EXOC6B: variants seen among roughly 807,000 people sequenced by gnomAD.
The protein encoded by EXOC6B is SEC15 homolog B.
Under a neutral mutation model 113.5 loss-of-function variants are expected in EXOC6B, and 54 were observed. The observed-to-expected ratio is 0.48, with a 90% CI of 0.38 to 0.60. The LOEUF is 0.60. Among genes scored for constraint, EXOC6B ranks in the 20% least tolerant of loss-of-function variants. The pLI is 0.00. For synonymous variants in EXOC6B, 357 were observed against 339.0 expected (o/e 1.05, Z -0.58); for missense variants, 797 against 977.5 (o/e 0.82, Z 2.46).
chr2:72,445,272 A>T (rs554739761), intron 18 of EXOC6B, among the ~76,000 whole-genome samples: 71 of 152,290 alleles, frequency 4.7e-4, no homozygotes, highest in African/African-American at 1.7e-3. Flanking sequence ...CCTGAACCTT[A>T]TTGTCCATAT....
intron 16 of EXOC6B, among the ~76,000 whole-genome samples, chr2:72,485,837 C>T (rs1699395565): frequency 6.6e-6 from 1 of 152,148 alleles, no homozygotes; most frequent in African/African-American, 2.4e-5. Flanking sequence ...GTCTCTACTA[C>T]CATATTAGGT....
intron 20 of EXOC6B, among the ~76,000 whole-genome samples, chr2:72,211,761 G>A (rs1158127649): frequency 1.3e-5 from 2 of 152,188 alleles, no homozygotes; most frequent in Non-Finnish European, 2.9e-5. Flanking sequence ...TGTGATTTTA[G>A]ATAAAAGTAT....
At chr2:72,418,894 T>G (rs779035682) in intron 18 of EXOC6B, among the ~76,000 whole-genome samples, 22 of 152,180 alleles carry the variant, frequency 1.4e-4, no homozygotes, top group Admixed American at 2.6e-4. Flanking sequence ...CCCCCTTATT[T>G]CCTGCATTAC....
At chr2:72,734,738 T>C (rs1680846220) in intron 2 of EXOC6B, among the ~76,000 whole-genome samples, 1 of 152,128 alleles carries the variant, frequency 6.6e-6, no homozygotes, top group South Asian at 2.1e-4. Context: ...AAATTTACAA[T>C]TGGATGCCAC....
Position 72,785,003 on chromosome 2 carries a change from T to G in EXOC6B, c.113+40795A>C, listed in dbSNP as rs1684287272. On this transcript the variant is annotated intron_variant, in intron 1 of 21. Transcript: ENST00000272427. ...CCTAGATACAATGGGGATACAGGTA[T>G]TGGGTAAATGCAGCCATTCCAAATG... Among the ~76,000 whole-genome samples the G allele has an allele frequency of 2.6e-5, 4 of 152,112 alleles. No homozygotes were observed. The South Asian group carries it at 8.3e-4, about 32-fold the overall frequency.
chr2:72,303,763 T>G (rs1413352103), intron 20 of EXOC6B, among the ~76,000 whole-genome samples: 1 of 152,154 alleles, frequency 6.6e-6, no homozygotes, highest in African/African-American at 2.4e-5. Context: ...GACATTCTGG[T>G]CATTTGTGTT....
intron 1 of EXOC6B, among the ~76,000 whole-genome samples, chr2:72,761,031 T>C (rs1682710923): frequency 6.6e-6 from 1 of 151,980 alleles, no homozygotes; most frequent in Admixed American, 6.6e-5. Flanking sequence ...AATACAAAAA[T>C]TAGCTGGGTG....
intron 6 of EXOC6B, among the ~76,000 whole-genome samples, chr2:72,593,596 A>C (rs1237707045): frequency 6.6e-6 from 1 of 151,936 alleles, no homozygotes; most frequent in Non-Finnish European, 1.5e-5. Flanking sequence ...AAAAGTAACC[A>C]AGCTCAAAGG....
intron 15 of EXOC6B, among the ~76,000 whole-genome samples, chr2:72,493,322 C>CT (rs1699852825): frequency 5.6e-3 from 25 of 4,466 alleles, no homozygotes; most frequent in African/African-American, 0.01. Flanking sequence ...GTTTTTCTCC[C>CT]CCCCCCCCCC....
chr2:72,424,731 C>A (rs1208257977), intron 18 of EXOC6B, among the ~76,000 whole-genome samples: 2 of 152,058 alleles, frequency 1.3e-5, no homozygotes, highest in Non-Finnish European at 2.9e-5. Context: ...TATGACTACT[C>A]CTGTGATCAA....
chr2:72,631,446 A>G lies in EXOC6B; in HGVS notation c.670-55778T>C, dbSNP rs1240276309. Among the ~76,000 whole-genome samples, 6 of 61,054 alleles carry G rather than the reference A, an allele frequency of 9.8e-5. 1 individual carries two copies. Among genetic ancestry groups the G allele is most frequent in the African/African-American group, 2.6e-4 (4 of 15,554 alleles). 40.1% of individuals were successfully genotyped at this position (61,054 alleles called of 152,430 possible). On this transcript the variant is annotated intron_variant, in intron 6 of 21. Coordinates refer to ENST00000272427, the MANE Select transcript of EXOC6B (RefSeq NM_015189.3). ...TGTGTGTATATATATATATATATAT[A>G]TATATATATATATATAGAGAGAGAG...
At chr2:72,298,993 T>C (rs1182528023) in intron 20 of EXOC6B, among the ~76,000 whole-genome samples, 1 of 152,144 alleles carries the variant, frequency 6.6e-6, no homozygotes, top group African/African-American at 2.4e-5. Context: ...AGTATCTTTG[T>C]GGTGTTCTCT....
intron 17 of EXOC6B, among the ~76,000 whole-genome samples, chr2:72,467,054 T>C (rs530433074): frequency 1.3e-5 from 2 of 152,300 alleles, no homozygotes; most frequent in East Asian, 3.9e-4. Flanking sequence ...GAATTCAACA[T>C]TTTTAGATGC....
chr2:72,523,583 C>T (rs1448824301), intron 8 of EXOC6B, among the ~76,000 whole-genome samples: 1 of 151,980 alleles, frequency 6.6e-6, no homozygotes, highest in African/African-American at 2.4e-5. Flanking sequence ...TCGTAGCCAT[C>T]CTGGCTAACA....
intron 19 of EXOC6B, among the ~76,000 whole-genome samples, chr2:72,367,953 T>C (rs1465136317): frequency 6.6e-6 from 1 of 152,110 alleles, no homozygotes; most frequent in Non-Finnish European, 1.5e-5. Context: ...TTGAGTAAAC[T>C]TGAAAGACAG....
intron 6 of EXOC6B, among the ~76,000 whole-genome samples, chr2:72,642,138 G>C (rs566949032): frequency 8.1e-4 from 124 of 152,276 alleles, no homozygotes; most frequent in African/African-American, 2.9e-3. Flanking sequence ...GGAGAAATGA[G>C]AGCAGAGCAT....
rs1054315307 is a variant in EXOC6B at position 72,685,143 on chromosome 2, A to C, written c.669+32960T>G. Among the ~76,000 whole-genome samples, 3 of 152,198 alleles carry C rather than the reference A, an allele frequency of 2.0e-5. No individual in the cohort carries two copies. In the East Asian group the frequency reaches 5.8e-4, roughly 29 times the overall value. ...ATGGATATATAATAAAGCAAGTTGTAAGAGATTAATCATATTGATAGAATC... is the reference window on the plus strand; with the variant it reads ...ATGGATATATAATAAAGCAAGTTGTCAGAGATTAATCATATTGATAGAATC... On this transcript the variant is annotated intron_variant, in intron 6 of 21. Coordinates refer to ENST00000272427, the MANE Select transcript of EXOC6B (RefSeq NM_015189.3).
At chr2:72,563,919 T>C (rs569961470) in intron 7 of EXOC6B, among the ~76,000 whole-genome samples, 1 of 152,306 alleles carries the variant, frequency 6.6e-6, no homozygotes, top group Admixed American at 6.5e-5. Flanking sequence ...TTAACAGATA[T>C]ATTCATTTAA....
intron 8 of EXOC6B, among the ~76,000 whole-genome samples, chr2:72,523,481 CTTCA>C (rs918324429): frequency 7.9e-5 from 12 of 152,038 alleles, no homozygotes; most frequent in African/African-American, 2.9e-4. Context: ...CTTATATTCT[CTTCA>C]TTAAGATTTA....
Sources: gnomAD v4.1 joint callset for allele counts (sites outside exome capture counted in the v4.1 genomes callset) on GRCh38, gnomAD v4.1.1 for gene constraint, MANE v1.5 for transcripts, NCBI Gene and HGNC (gene_info 2026-07-23, HGNC 2026-07-21) for gene names.